GP9: variants seen among roughly 807,000 people sequenced by gnomAD.
The protein encoded by GP9 is platelet glycoprotein IX.
For synonymous variants in GP9, 116 were observed against 116.7 expected, an observed-to-expected ratio of 0.99 and a Z score of 0.04; for missense variants, 228 against 241.8, an observed-to-expected ratio of 0.94 and a Z score of 0.38.
At chr3:129,057,526 G>A (rs890723576), upstream of GP9, among the ~76,000 whole-genome samples, 2 of 152,172 alleles carry the variant, frequency 1.3e-5, no homozygotes, top group Non-Finnish European at 2.9e-5. Context: ...AAATAGGCAG[G>A]GGCCAAGCTA....
At chr3:129,055,777 T>C in the GP9 span, among the ~76,000 whole-genome samples, 7 of 152,080 alleles carry the variant, frequency 4.6e-5, no homozygotes, top group Non-Finnish European at 7.4e-5. Context: ...CCCGAGTAGC[T>C]GGGATTACAG....
chr3:129,062,111 G>A lies in GP9; in HGVS notation c.372G>A (p.Leu124=). 1 of 1,599,704 alleles carries A rather than the reference G, an allele frequency of 6.3e-7. No individual in the cohort carries two copies. Among genetic ancestry groups the A allele is most frequent in the Non-Finnish European group, 8.5e-7 (1 of 1,174,562 alleles). ...CCAGCCTCGCTGCCCATGGCCCGCT[G>A]GGCCGGCTGACAGGCTACCAGCTGG... ...ASPSLAAHGP[L]GRLTGYQLGS... Residue 124 remains leucine, a synonymous_variant, in exon 3 of 3, where the codon CTG becomes CTA. Coordinates refer to ENST00000307395, the MANE Select transcript of GP9 (RefSeq NM_000174.5).
chr3:129,056,408 T>C (rs1396655843), upstream of GP9, among the ~76,000 whole-genome samples: 1 of 152,192 alleles, frequency 6.6e-6, no homozygotes, highest in Non-Finnish European at 1.5e-5. Flanking sequence ...AAAATTGTCT[T>C]GGGGGATATT....
upstream of GP9, among the ~76,000 whole-genome samples, chr3:129,057,830 C>CT (rs869136524): frequency 5.7e-3 from 710 of 123,858 alleles, 4 homozygotes; most frequent in South Asian, 7.2e-3. Context: ...TAGGTTGCTT[C>CT]TTTTTTTTTT....
At chr3:129,059,088 G>A (rs1385609671), upstream of GP9, among the ~76,000 whole-genome samples, 1 of 152,146 alleles carries the variant, frequency 6.6e-6, no homozygotes, top group East Asian at 1.9e-4. Context: ...ATACACATGG[G>A]GAAAAAGCCT....
upstream of GP9, among the ~76,000 whole-genome samples, chr3:129,058,845 T>C (rs140569235): frequency 4.6e-5 from 7 of 152,372 alleles, no homozygotes; most frequent in African/African-American, 1.7e-4. Flanking sequence ...CACTGGCTCT[T>C]TGACTTCTTT....
upstream of GP9, among the ~76,000 whole-genome samples, chr3:129,058,307 G>C (rs1367772448): frequency 4.6e-5 from 7 of 152,230 alleles, no homozygotes; most frequent in Non-Finnish European, 8.8e-5. Flanking sequence ...TGTCACAAGA[G>C]GCTTAATGCA....
At chr3:129,060,970 C>T (rs1258707551) in intron 1 of GP9, 120 bp downstream of exon 1, 4 of 153,180 alleles carry the variant, frequency 2.6e-5, no homozygotes, top group African/African-American at 7.2e-5. Context: ...ATCTCCTTGG[C>T]TGAGTCAAGA....
intron 1 of GP9, 54 bp from the exon 2 acceptor site, chr3:129,061,434 CTCTGCT>C: frequency 2.0e-6 from 1 of 510,144 alleles, no homozygotes; most frequent in East Asian, 3.5e-5. Flanking sequence ...GGGATGGGGT[CTCTGCT>C]AAGGGCCAGG....
upstream of GP9, among the ~76,000 whole-genome samples, chr3:129,060,156 A>G (rs1444766958): frequency 6.6e-6 from 1 of 152,208 alleles, no homozygotes; most frequent in African/African-American, 2.4e-5. Flanking sequence ...TGTGCTCTAG[A>G]AGAAAATGTA....
At chr3:129,060,539 G>A (rs1249660172), upstream of GP9, among the ~76,000 whole-genome samples, 2 of 152,242 alleles carry the variant, frequency 1.3e-5, no homozygotes, top group African/African-American at 4.8e-5. Context: ...CTGGGAGCAG[G>A]TGAGGGGCCA....
In GP9 at chr3:129,062,247, T is replaced by C; in HGVS notation, c.508T>C (p.Cys170Arg). 6.4e-7 allele frequency: 1 copy of C among 1,556,330 alleles called. No homozygotes were observed. The highest frequency in any genetic ancestry group is 8.7e-7 in the Non-Finnish European group (1 of 1,152,192). The change falls in exon 3 of 3, where the codon TGT becomes CGT. Residue 170 changes from cysteine to arginine, a missense_variant. Coordinates refer to ENST00000307395, the MANE Select transcript of GP9 (RefSeq NM_000174.5). ...LGLALLAGLL[C>R]ATTEALD ...CCTGGCTCTTCTGGCTGGCCTGCTG[T>C]GTGCCACCACAGAGGCCCTGGATTG...
Position 129,062,396 on chromosome 3 carries a change from GT to G in GP9, c.*127del. On this transcript the variant is annotated 3_prime_UTR_variant, in exon 3 of 3. Transcript: ENST00000307395. ...CCCAGAATAAACTGGCAGCTCAGCTGTTTTATATAAGCTCAGAGATTTTTTT... is the reference window on the plus strand; with the variant it reads ...CCCAGAATAAACTGGCAGCTCAGCTGTTTATATAAGCTCAGAGATTTTTTT... 1 of 669,386 alleles carries G rather than the reference GT, an allele frequency of 1.5e-6. No individual in the cohort carries two copies. Among genetic ancestry groups the G allele is most frequent in the Non-Finnish European group, 2.5e-6 (1 of 397,770 alleles). The allele number at this position is 669,386 out of a possible 1,614,324, so 41.5% of individuals were successfully genotyped here.
At chr3:129,058,839 G>C (rs758915787), upstream of GP9, among the ~76,000 whole-genome samples, 3 of 152,244 alleles carry the variant, frequency 2.0e-5, no homozygotes, top group Non-Finnish European at 4.4e-5. Context: ...CTTCACCACT[G>C]GCTCTTTGAC....
chr3:129,055,512 C>A, the GP9 span, among the ~76,000 whole-genome samples: 4 of 152,314 alleles, frequency 2.6e-5, no homozygotes, highest in East Asian at 7.7e-4. Context: ...ATGGTTAGGG[C>A]TTTCAGCTGG....
At chr3:129,060,626 G>C (rs915942530), upstream of GP9, 2 of 152,368 alleles carry the variant, frequency 1.3e-5, no homozygotes, top group Non-Finnish European at 1.5e-5. Flanking sequence ...TCTATAAACC[G>C]GGGTTGAGAT....
chr3:129,057,122 T>G (rs186087529), upstream of GP9, among the ~76,000 whole-genome samples: 33 of 152,204 alleles, frequency 2.2e-4, no homozygotes, highest in African/African-American at 7.9e-4. Context: ...GCAGAGGTGC[T>G]GGGGAGGGAA....
chr3:129,055,927 G>A (rs560691840), upstream of GP9, among the ~76,000 whole-genome samples: 2 of 152,302 alleles, frequency 1.3e-5, no homozygotes, highest in South Asian at 2.1e-4. Context: ...TTACAGGCGT[G>A]AGCCATCACG....
At chr3:129,056,140 A>G (rs1229146465), upstream of GP9, among the ~76,000 whole-genome samples, 1 of 152,246 alleles carries the variant, frequency 6.6e-6, no homozygotes, top group East Asian at 1.9e-4. Context: ...AGATAGGCTA[A>G]GACTATTGCC....
Sources: allele counts gnomAD v4.1 joint callset (sites outside exome capture counted in the v4.1 genomes callset), GRCh38; gene constraint gnomAD v4.1.1; transcripts MANE v1.5; gene names NCBI Gene and HGNC (gene_info 2026-07-23, HGNC 2026-07-21).